The following SCFD2 variants were observed in gnomAD, a reference collection of about 807,000 sequenced individuals.
SCFD2 encodes the protein sec1 family domain-containing protein 2.
Under a neutral mutation model 58.9 loss-of-function variants are expected in SCFD2, and 54 were observed. The observed-to-expected ratio is 0.92, with a 90% CI of 0.74 to 1.15. SCFD2 has a LOEUF of 1.15. SCFD2 is among the 50% of genes most tolerant of loss of function. The probability of loss-of-function intolerance (pLI) is 0.00; values close to 1 mark genes in which losing one functional copy is unlikely to be tolerated. For missense variants in SCFD2, 805 were observed against 836.6 expected, an observed-to-expected ratio of 0.96 and a Z score of 0.47; for synonymous variants, 321 against 335.9, an observed-to-expected ratio of 0.96 and a Z score of 0.49.
chr4:52,933,393 G>A (rs1212991589), intron 5 of SCFD2, among the ~76,000 whole-genome samples: 1 of 152,150 alleles, frequency 6.6e-6, no homozygotes, highest in Non-Finnish European at 1.5e-5. Context: ...TTGTCTACAG[G>A]GAGATTTAAA....
chr4:53,311,145 T>G (rs1293735567), intron 3 of SCFD2, among the ~76,000 whole-genome samples: 1 of 152,168 alleles, frequency 6.6e-6, no homozygotes, highest in East Asian at 1.9e-4. Flanking sequence ...CCCAAGAAAT[T>G]CCGGCTAGTG....
chr4:52,989,809 TC>T (rs1560503319), intron 5 of SCFD2, among the ~76,000 whole-genome samples: 1 of 152,220 alleles, frequency 6.6e-6, no homozygotes, highest in Non-Finnish European at 1.5e-5. Context: ...TTCCCTTCTT[TC>T]CTTTTACCTA....
intron 5 of SCFD2, among the ~76,000 whole-genome samples, chr4:52,935,964 AGT>A (rs1238401269): frequency 5.3e-5 from 8 of 151,958 alleles, no homozygotes; most frequent in Non-Finnish European, 1.2e-4. Context: ...CAGCCTCCCG[AGT>A]AGCTGGCATT....
At chr4:53,065,069 T>C (rs1325569779) in intron 5 of SCFD2, among the ~76,000 whole-genome samples, 1 of 151,998 alleles carries the variant, frequency 6.6e-6, no homozygotes, top group Non-Finnish European at 1.5e-5. Context: ...AAAAATTTAA[T>C]CAGAAAAATA....
chr4:52,907,704 C>CTA (rs1478727981), intron 6 of SCFD2, 113 bp from the exon 7 acceptor site: 4 of 857,884 alleles, frequency 4.7e-6, no homozygotes, highest in Non-Finnish European at 5.6e-6. Context: ...TGAGCAATGC[C>CTA]TATATGTGTG....
At chr4:53,247,880 A>T (rs1466833588) in intron 4 of SCFD2, among the ~76,000 whole-genome samples, 5 of 150,934 alleles carry the variant, frequency 3.3e-5, no homozygotes, top group African/African-American at 9.7e-5. Context: ...AAAAAAAAAA[A>T]AAAAAAAAAA....
intron 5 of SCFD2, among the ~76,000 whole-genome samples, chr4:53,050,128 CT>C (rs1356727466): frequency 2.6e-5 from 4 of 152,126 alleles, no homozygotes; most frequent in Non-Finnish European, 5.9e-5. Flanking sequence ...CTCTAAAATT[CT>C]ATGTTTAATG....
intron 4 of SCFD2, among the ~76,000 whole-genome samples, chr4:53,249,132 C>T (rs950850815): frequency 6.6e-6 from 1 of 152,108 alleles, no homozygotes; most frequent in African/African-American, 2.4e-5. Context: ...GAGCTGAAAG[C>T]CAAGGCTCGA....
At chr4:53,237,054 C>T (rs1172405115) in intron 4 of SCFD2, among the ~76,000 whole-genome samples, 2 of 149,186 alleles carry the variant, frequency 1.3e-5, no homozygotes, top group Non-Finnish European at 3.0e-5. Flanking sequence ...AACGAGCATG[C>T]TGCCTTCAAG....
At chr4:53,065,722 A>C (rs1365529198) in intron 5 of SCFD2, among the ~76,000 whole-genome samples, 1 of 152,000 alleles carries the variant, frequency 6.6e-6, no homozygotes. Context: ...ATCTTATCAA[A>C]ATAAGAGTTT....
At chr4:53,163,458 T>G (rs1454379638) in intron 4 of SCFD2, among the ~76,000 whole-genome samples, 1 of 152,108 alleles carries the variant, frequency 6.6e-6, no homozygotes, top group African/African-American at 2.4e-5. Flanking sequence ...GCGCAGGGGC[T>G]CACACCTATA....
chr4:53,053,919 T>C (rs900117607), intron 5 of SCFD2, among the ~76,000 whole-genome samples: 1 of 152,212 alleles, frequency 6.6e-6, no homozygotes, highest in African/African-American at 2.4e-5. Flanking sequence ...CCACCTTAAA[T>C]ATTTGTCTAA....
At chr4:53,080,345 G>T (rs1243400887) in intron 5 of SCFD2, among the ~76,000 whole-genome samples, 1 of 152,188 alleles carries the variant, frequency 6.6e-6, no homozygotes, top group Non-Finnish European at 1.5e-5. Flanking sequence ...TAGAAGAGAT[G>T]CTTGGGCAAA....
chr4:52,970,237 G>A (rs925716922), intron 5 of SCFD2, among the ~76,000 whole-genome samples: 1 of 152,238 alleles, frequency 6.6e-6, no homozygotes, highest in African/African-American at 2.4e-5. Context: ...CACCCGGTAA[G>A]TGCAAGGGGT....
chr4:53,260,894 A>C (rs1730809700), intron 4 of SCFD2, among the ~76,000 whole-genome samples: 1 of 152,012 alleles, frequency 6.6e-6, no homozygotes, highest in Non-Finnish European at 1.5e-5. Flanking sequence ...TGCCATTTCA[A>C]TCTTGCTGCT....
chr4:53,182,955 C>T (rs192585665), intron 4 of SCFD2, among the ~76,000 whole-genome samples: 121 of 152,236 alleles, frequency 7.9e-4, no homozygotes, highest in African/African-American at 2.8e-3. Flanking sequence ...CAATGAGATA[C>T]CATCACACCC....
intron 2 of SCFD2, among the ~76,000 whole-genome samples, chr4:53,339,823 A>C (rs1050875748): frequency 6.6e-6 from 1 of 152,210 alleles, no homozygotes; most frequent in African/African-American, 2.4e-5. Context: ...TCTAAAAAGA[A>C]GTTCAAGTAA....
intron 1 of SCFD2, among the ~76,000 whole-genome samples, chr4:53,353,347 A>C (rs1458305024): frequency 6.6e-6 from 1 of 152,156 alleles, no homozygotes; most frequent in Non-Finnish European, 1.5e-5. Context: ...GACCTTCACC[A>C]TGAGTGTTAC....
intron 4 of SCFD2, among the ~76,000 whole-genome samples, chr4:53,175,755 G>T (rs1040393278): frequency 1.4e-4 from 22 of 152,226 alleles, no homozygotes; most frequent in Middle Eastern, 3.4e-3. Context: ...TAAGACAACT[G>T]CCACTTTCAG....
Sources: gnomAD v4.1 joint callset for allele counts (sites outside exome capture counted in the v4.1 genomes callset) on GRCh38, gnomAD v4.1.1 for gene constraint, MANE v1.5 for transcripts, NCBI Gene and HGNC (gene_info 2026-07-23, HGNC 2026-07-21) for gene names.